The following CROCC variants were observed in gnomAD, a reference collection of about 807,000 sequenced individuals.
The protein encoded by CROCC is rootletin.
Under a neutral mutation model 245.2 loss-of-function variants are expected in CROCC, and 180 were observed. The observed-to-expected ratio is 0.73, with a 90% confidence interval of 0.65 to 0.83. The LOEUF is 0.83. Among genes scored for constraint, CROCC ranks in the 40% least tolerant of loss-of-function variants. The pLI is 0.00. For synonymous variants in CROCC, 1,205 were observed against 1,241.6 expected (o/e 0.97, Z 0.62); for missense variants, 2,688 against 2,779.4 (o/e 0.97, Z 0.74).
chr1:16,951,192 G>A (rs2076154312), intron 20 of CROCC, 70 bp downstream of exon 20: 4 of 1,329,454 alleles, frequency 3.0e-6, no homozygotes, highest in South Asian at 3.5e-5. Flanking sequence ...GCTCTGCCTC[G>A]GTCTCTACAT....
At chr1:16,951,574 T>G (rs1348848206) in intron 20 of CROCC, among the ~76,000 whole-genome samples, 1 of 152,210 alleles carries the variant, frequency 6.6e-6, no homozygotes, top group Non-Finnish European at 1.5e-5. Context: ...TGCCTTCATT[T>G]CCCCACCTGT....
At chr1:16,946,684 G>C (rs2076053926) in intron 16 of CROCC, 77 bp from the exon 17 acceptor site, 14 of 1,420,238 alleles carry the variant, frequency 9.9e-6, no homozygotes, top group Non-Finnish European at 1.2e-5. Context: ...ATTGTTGCTG[G>C]TGGGTGGGTG....
At position 16,937,757 on chromosome 1, in the gene CROCC, G is replaced by A. The variant is rs2075824170; in HGVS notation, c.1290+20G>A. 1.3e-6 allele frequency: 2 copies of A among 1,582,278 alleles called. No homozygotes were observed. The highest frequency in any genetic ancestry group is 1.3e-5 in the African/African-American group (1 of 74,514). On this transcript the variant is annotated intron_variant, in intron 10 of 36. Transcript: ENST00000375541. ...GCCCTGGTGAGCTGCAGGTGCCCCTGAGATGGGGCAGGGTGAGATGGGGTA... is the reference window on the plus strand; with the variant it reads ...GCCCTGGTGAGCTGCAGGTGCCCCTAAGATGGGGCAGGGTGAGATGGGGTA...
At chr1:16,944,958 C>T (rs1442360557) in intron 14 of CROCC, among the ~76,000 whole-genome samples, 2 of 152,274 alleles carry the variant, frequency 1.3e-5, no homozygotes, top group Admixed American at 6.5e-5. Flanking sequence ...ACAGGCCGGG[C>T]GCAGTGGCTC....
intron 1 of CROCC, 87 bp downstream of exon 1, chr1:16,922,165 A>G (rs2100311236): frequency 7.6e-7 from 1 of 1,315,814 alleles, no homozygotes; most frequent in Non-Finnish European, 1.0e-6. Flanking sequence ...CGTCTTGGGG[A>G]TCAAGGGGTG....
intron 13 of CROCC, among the ~76,000 whole-genome samples, chr1:16,940,338 C>G (rs1453738753): frequency 5.3e-5 from 8 of 152,130 alleles, no homozygotes; most frequent in Admixed American, 1.3e-4. Flanking sequence ...ATTCTCCTGC[C>G]TCAGCCTCCC....
chr1:16,953,504 T>G (rs2076198588), intron 21 of CROCC, 23 bp downstream of exon 21: 1 of 1,576,396 alleles, frequency 6.3e-7, no homozygotes, highest in Admixed American at 1.8e-5. Context: ...TGGCATGGCC[T>G]CTGCTGCTCT....
At chr1:16,914,777 T>TA (rs1308189171) in intron 1 of CROCC, among the ~76,000 whole-genome samples, 1 of 152,234 alleles carries the variant, frequency 6.6e-6, no homozygotes, top group Non-Finnish European at 1.5e-5. Flanking sequence ...CACACAGACT[T>TA]AAGCCTGACG....
chr1:16,963,353 T>C (rs763396354), intron 27 of CROCC, among the ~76,000 whole-genome samples: 43 of 151,624 alleles, frequency 2.8e-4, no homozygotes, highest in Admixed American at 9.2e-4. Flanking sequence ...GAGGTGCGCC[T>C]GTCCTGTGGA....
chr1:16,938,635 C>T, intron 11 of CROCC, 152 bp downstream of exon 11: 1 of 890,508 alleles, frequency 1.1e-6, no homozygotes, highest in Non-Finnish European at 1.7e-6. Flanking sequence ...GCTCACCCAG[C>T]CTCTGCCTTG....
At chr1:16,959,816 T>C (rs2076300561) in intron 26 of CROCC, among the ~76,000 whole-genome samples, 1 of 152,164 alleles carries the variant, frequency 6.6e-6, no homozygotes, top group Non-Finnish European at 1.5e-5. Flanking sequence ...CACTTAACCT[T>C]CCTGGCTGTT....
intron 8 of CROCC, among the ~76,000 whole-genome samples, chr1:16,934,892 C>CTTTTTTTTTTTTTTTTT (rs556637657): frequency 7.8e-5 from 10 of 128,482 alleles, no homozygotes; most frequent in East Asian, 2.2e-4. Context: ...TCAGCAGTTT[C>CTTTTTTTTTTTTTTTTT]TTTTTTTTTT....
rs575268915 is a variant in CROCC, at chr1:16,937,126, G to A, written c.1193+253G>A. ...TCCCAGCACTTTGGGAGACCAAGGTGGGGGATTACCTGAGGTCAGGAGCTC... is the reference window on the plus strand; with the variant it reads ...TCCCAGCACTTTGGGAGACCAAGGTAGGGGATTACCTGAGGTCAGGAGCTC... On this transcript the variant is annotated intron_variant, in intron 9 of 36. Transcript: ENST00000375541. 7.9e-5 allele frequency among the ~76,000 whole-genome samples: 12 copies of A among 152,396 alleles called. No homozygotes were observed. In the South Asian group the frequency reaches 2.5e-3, roughly 32 times the overall value.
chr1:16,970,803 C>T, intron 35 of CROCC, 36 bp downstream of exon 35: 3 of 1,525,530 alleles, frequency 2.0e-6, no homozygotes, highest in Non-Finnish European at 1.8e-6. Context: ...CCAACTTCAT[C>T]CCTAGTATGA....
Position 16,944,265 on chromosome 1 carries a change from C to T in CROCC, c.1974C>T (p.Arg658=), listed in dbSNP as rs1210861973. 66 of 1,542,986 alleles carry T rather than the reference C, an allele frequency of 4.3e-5. No individual in the cohort carries two copies. In the East Asian group the frequency reaches 1.6e-3, roughly 37 times the overall value. The change falls in exon 14 of 37, where the codon CGC becomes CGT. Residue 658 remains arginine, a synonymous_variant. Coordinates refer to ENST00000375541, the MANE Select transcript of CROCC (RefSeq NM_014675.5). ...EDAVQDGARV[R]RELERSHRQL... Reference sequence around the variant, plus strand: ...CAGTGCAGGATGGCGCGCGGGTGCGCCGGGAGCTTGAGCGCAGGTGAGCAG... The same window carrying T: ...CAGTGCAGGATGGCGCGCGGGTGCGTCGGGAGCTTGAGCGCAGGTGAGCAG...
chr1:16,944,333 C>T (rs1334871929), intron 14 of CROCC, 51 bp downstream of exon 14: 8 of 1,468,150 alleles, frequency 5.4e-6, no homozygotes, highest in South Asian at 1.4e-5. Context: ...TGCCTCGGGT[C>T]CCCTGACAGT....
At chr1:16,921,205 G>A (rs1461214570), upstream of CROCC, among the ~76,000 whole-genome samples, 7 of 152,260 alleles carry the variant, frequency 4.6e-5, no homozygotes, top group African/African-American at 9.6e-5. Context: ...CACATCTTAC[G>A]TAAGAGGACA....
At chr1:16,935,368 T>C (rs2075765475) in intron 8 of CROCC, among the ~76,000 whole-genome samples, 1 of 152,264 alleles carries the variant, frequency 6.6e-6, no homozygotes, top group African/African-American at 2.4e-5. Context: ...TAGTTATAAC[T>C]GGGAGGTGGC....
intron 20 of CROCC, among the ~76,000 whole-genome samples, chr1:16,952,300 C>G (rs1311107526): frequency 6.6e-6 from 1 of 151,750 alleles, no homozygotes; most frequent in Non-Finnish European, 1.5e-5. Context: ...CTGGCTAACA[C>G]AGTGAAACCC....
Sources: gnomAD v4.1 joint callset for allele counts (sites outside exome capture counted in the v4.1 genomes callset) on GRCh38, gnomAD v4.1.1 for gene constraint, MANE v1.5 for transcripts, NCBI Gene and HGNC (gene_info 2026-07-23, HGNC 2026-07-21) for gene names.